Variants in HIP1 observed in about 807,000 individuals in gnomAD.
HIP1 encodes huntingtin interacting protein 1.
Under a neutral mutation model 147.6 loss-of-function variants are expected in HIP1, and 65 were observed. The ratio of observed to expected loss-of-function variants is 0.44; its 90% CI spans 0.36 to 0.54. The LOEUF (loss-of-function observed/expected upper bound fraction) is 0.54. HIP1 is among the 20% of genes least tolerant of loss of function. The pLI is 0.00. For missense variants in HIP1, 1,061 were observed against 1,299.6 expected, an observed-to-expected ratio of 0.82 and a Z score of 2.82; for synonymous variants, 479 against 504.0, an observed-to-expected ratio of 0.95 and a Z score of 0.67.
At chr7:75,706,477 T>TA (rs1206906262) in intron 1 of HIP1, among the ~76,000 whole-genome samples, 10 of 145,490 alleles carry the variant, frequency 6.9e-5, no homozygotes, top group Admixed American at 4.0e-4. Context: ...TATCTTCTTT[T>TA]TTTTTATTTT....
At chr7:75,670,280 A>G (rs1799694106) in intron 1 of HIP1, among the ~76,000 whole-genome samples, 1 of 151,910 alleles carries the variant, frequency 6.6e-6, no homozygotes, top group Non-Finnish European at 1.5e-5. Context: ...CCTCCCGGGT[A>G]GCTGGGACTA....
chr7:75,715,704 G>A (rs1275818898), intron 1 of HIP1, among the ~76,000 whole-genome samples: 1 of 149,198 alleles, frequency 6.7e-6, no homozygotes, highest in Admixed American at 6.8e-5. Flanking sequence ...GAATCCAGGA[G>A]GTGGAGGTTG....
At chr7:75,565,519 C>G (rs1795369762) in intron 9 of HIP1, among the ~76,000 whole-genome samples, 1 of 152,226 alleles carries the variant, frequency 6.6e-6, no homozygotes, top group Admixed American at 6.5e-5. Flanking sequence ...GGTACAACCA[C>G]ACACTTGTCC....
At chr7:75,571,247 A>C (rs1004946771) in intron 8 of HIP1, among the ~76,000 whole-genome samples, 4 of 152,158 alleles carry the variant, frequency 2.6e-5, no homozygotes, top group Admixed American at 6.6e-5. Context: ...TTTTACAAAA[A>C]GGCAGTGGTG....
At position 75,557,670 on chromosome 7, in the gene HIP1, T is replaced by G; in HGVS notation, c.1565A>C (p.Asp522Ala). 1 of 1,613,714 alleles carries G rather than the reference T, an allele frequency of 6.2e-7. No homozygotes were observed. ...CCCACTCACCTTCCGCTGGCCCTGG[T>G]CACTGATGCGCTCCAACGAATCCTC... The part of the protein sequence containing the change: ...ELEDSLERIS[D>A]QGQRKTQEQL... The change falls in exon 16 of 31, where the codon GAC becomes GCC. Residue 522 changes from aspartate (D) to alanine (A), a missense_variant. By Grantham distance (126) the Asp-to-Ala change is moderately radical (BLOSUM62 -2). Transcript: ENST00000336926.
intron 1 of HIP1, among the ~76,000 whole-genome samples, chr7:75,623,805 G>A (rs1304550157): frequency 6.6e-6 from 1 of 152,140 alleles, no homozygotes; most frequent in Non-Finnish European, 1.5e-5. Flanking sequence ...AGTGGCTCAC[G>A]CTTGTAATCC....
At chr7:75,565,148 G>A (rs1795359019) in intron 9 of HIP1, among the ~76,000 whole-genome samples, 2 of 152,186 alleles carry the variant, frequency 1.3e-5, no homozygotes, top group Admixed American at 6.5e-5. Flanking sequence ...TCTCGTTACA[G>A]CCTGTCAGAT....
chr7:75,723,012 C>A (rs1366591203), intron 1 of HIP1, among the ~76,000 whole-genome samples: 1 of 152,116 alleles, frequency 6.6e-6, no homozygotes, highest in Non-Finnish European at 1.5e-5. Flanking sequence ...AGACATGGGA[C>A]CCATCAGGCC....
Position 75,561,336 on chromosome 7 carries a change from T to A in HIP1, c.1184A>T (p.Lys395Met). The change falls in exon 13 of 31, where the codon AAG becomes ATG. Residue 395 changes from lysine (K) to methionine (M), a missense_variant. Lys to Met is a moderately conservative substitution (Grantham distance 95). Around this residue, in one of 3 missense-constraint regions of HIP1, gnomAD observed 810 missense variants for 946.8 expected, o/e 0.86. Coordinates refer to ENST00000336926, the MANE Select transcript of HIP1 (RefSeq NM_005338.7). ...SGLKAQLENM[K>M]TESQRVVLQL... Reference sequence around the variant, plus strand: ...AGCAGATCCAAGTTATACCTCAGTCTTCATGTTTTCTAGCTGTGCCTTCAA... The same window carrying A: ...AGCAGATCCAAGTTATACCTCAGTCATCATGTTTTCTAGCTGTGCCTTCAA... 6.2e-7 allele frequency: 1 copy of A among 1,608,656 alleles called. No homozygotes were observed. The highest frequency in any genetic ancestry group is 8.5e-7 in the Non-Finnish European group (1 of 1,174,988).
intron 7 of HIP1, among the ~76,000 whole-genome samples, chr7:75,579,709 C>T (rs1554498257): frequency 6.6e-6 from 1 of 152,096 alleles, no homozygotes; most frequent in Non-Finnish European, 1.5e-5. Flanking sequence ...GAAAAGAGGC[C>T]AGTAGTAGGC....
At chr7:75,653,803 G>A (rs1799067129) in intron 1 of HIP1, among the ~76,000 whole-genome samples, 1 of 152,176 alleles carries the variant, frequency 6.6e-6, no homozygotes, top group African/African-American at 2.4e-5. Context: ...CTGGGGCCAA[G>A]GCCTTTGTCT....
intron 1 of HIP1, among the ~76,000 whole-genome samples, chr7:75,708,598 T>TG (rs1199626295): frequency 2.6e-5 from 4 of 151,754 alleles, no homozygotes; most frequent in African/African-American, 9.7e-5. Context: ...CACTATCTGG[T>TG]GAAAAAAAAA....
intron 16 of HIP1, 133 bp from the exon 17 acceptor site, chr7:75,556,944 A>C: frequency 5.4e-6 from 3 of 557,946 alleles, no homozygotes; most frequent in Non-Finnish European, 6.4e-6. Flanking sequence ...CCCCCCAAAA[A>C]AGTGCAGGGT....
At chr7:75,711,028 T>C (rs1044687120) in intron 1 of HIP1, among the ~76,000 whole-genome samples, 3 of 152,178 alleles carry the variant, frequency 2.0e-5, no homozygotes, top group Non-Finnish European at 4.4e-5. Context: ...TCTTCTGTCT[T>C]TTGTCTACCT....
At chr7:75,696,353 T>C (rs1489227087) in intron 1 of HIP1, among the ~76,000 whole-genome samples, 2 of 152,066 alleles carry the variant, frequency 1.3e-5, no homozygotes, top group African/African-American at 4.8e-5. Context: ...CCCTCTCTCA[T>C]TTTCTTTGTC....
At chr7:75,603,057 T>C (rs1323661594) in intron 1 of HIP1, among the ~76,000 whole-genome samples, 11 of 150,318 alleles carry the variant, frequency 7.3e-5, no homozygotes, top group African/African-American at 2.7e-4. Flanking sequence ...CTAGAAAGAA[T>C]CCTTCCCGGC....
At chr7:75,620,386 TA>T (rs34932997) in intron 1 of HIP1, among the ~76,000 whole-genome samples, 523 of 67,024 alleles carry the variant, frequency 7.8e-3, no homozygotes, top group Non-Finnish European at 7.6e-3. Context: ...ACCATGTCTT[TA>T]AAAAAAAAAA....
intron 1 of HIP1, among the ~76,000 whole-genome samples, chr7:75,619,716 T>C (rs994749984): frequency 1.2e-4 from 19 of 152,196 alleles, no homozygotes; most frequent in Admixed American, 1.1e-3. Context: ...ACAGAAGACA[T>C]TGGCATTCGA....
At chr7:75,562,722 A>G (rs1554494789) in intron 11 of HIP1, among the ~76,000 whole-genome samples, 1 of 152,122 alleles carries the variant, frequency 6.6e-6, no homozygotes, top group African/African-American at 2.4e-5. Context: ...GGCCTTGCAA[A>G]GTGTTGGGAT....
Sources: allele counts gnomAD v4.1 joint callset (sites outside exome capture counted in the v4.1 genomes callset), GRCh38; gene constraint gnomAD v4.1.1; regional missense constraint gnomAD v4.1.1; transcripts MANE v1.5; gene names NCBI Gene and HGNC (gene_info 2026-07-23, HGNC 2026-07-21).